The following CPQ variants were observed in gnomAD, a reference collection of about 807,000 sequenced individuals.
The protein encoded by CPQ is carboxypeptidase Q.
A neutral mutation model predicts 45.7 loss-of-function variants in CPQ; 37 were observed. The observed-to-expected ratio is 0.81, with a 90% CI of 0.62 to 1.07. The LOEUF (loss-of-function observed/expected upper bound fraction) is 1.07. Ranked by LOEUF, CPQ falls within the 50% of genes least tolerant of loss-of-function variation. The probability of loss-of-function intolerance (pLI) is 0.00; values close to 1 mark genes in which losing one functional copy is unlikely to be tolerated. For missense variants in CPQ, 537 were observed against 572.9 expected (o/e 0.94, Z 0.64); for synonymous variants, 186 against 205.8 (o/e 0.90, Z 0.82).
At chr8:96,670,446 A>G (rs1808987604) in intron 1 of CPQ, among the ~76,000 whole-genome samples, 1 of 152,150 alleles carries the variant, frequency 6.6e-6, no homozygotes, top group Non-Finnish European at 1.5e-5. Flanking sequence ...GGAATCCACA[A>G]ATAATGAGGA....
In CPQ at chr8:96,744,441, G is replaced by A. The variant is rs567673642; in HGVS notation, c.-34-40423G>A. The stretch of plus-strand genomic sequence containing the variant: ...AATGCAGAAATCACCTGTCTTCTGC[G>A]TCGGTCATGCTGGGAGCTGTAGACC... On this transcript the variant is annotated intron_variant, in intron 1 of 7. Coordinates refer to ENST00000220763, the MANE Select transcript of CPQ (RefSeq NM_016134.4). Among the ~76,000 whole-genome samples, 14 of 152,332 alleles carry A rather than the reference G, an allele frequency of 9.2e-5. No homozygotes were observed. In the East Asian group the frequency reaches 1.7e-3, roughly 19 times the overall value.
intron 1 of CPQ, among the ~76,000 whole-genome samples, chr8:96,697,581 G>C (rs1048029672): frequency 6.6e-6 from 1 of 152,068 alleles, no homozygotes; most frequent in Non-Finnish European, 1.5e-5. Flanking sequence ...TCTTTGTTTG[G>C]AAATGATGTG....
intron 4 of CPQ, among the ~76,000 whole-genome samples, chr8:96,922,530 G>A (rs978573622): frequency 2.2e-4 from 33 of 152,204 alleles, no homozygotes; most frequent in African/African-American, 8.0e-4. Flanking sequence ...TGCCAAACAT[G>A]ATTGAAAACT....
chr8:96,801,926 G>C (rs960956158), intron 2 of CPQ, among the ~76,000 whole-genome samples: 6 of 152,148 alleles, frequency 3.9e-5, no homozygotes, highest in African/African-American at 7.2e-5. Flanking sequence ...ATAATTAATA[G>C]GTTATAATAA....
At chr8:96,750,780 C>T (rs571507696) in intron 1 of CPQ, among the ~76,000 whole-genome samples, 1 of 152,164 alleles carries the variant, frequency 6.6e-6, no homozygotes, top group East Asian at 1.9e-4. Context: ...TGATGCTCTT[C>T]CTCCCCTGAA....
chr8:96,646,300 T>C (rs189287362), intron 1 of CPQ, among the ~76,000 whole-genome samples: 118 of 152,284 alleles, frequency 7.7e-4, no homozygotes, highest in Non-Finnish European at 1.5e-3. Flanking sequence ...GCCTAGGTTT[T>C]TTCTTGCTTG....
At chr8:96,683,255 T>C (rs1809175698) in intron 1 of CPQ, among the ~76,000 whole-genome samples, 1 of 152,190 alleles carries the variant, frequency 6.6e-6, no homozygotes, top group Non-Finnish European at 1.5e-5. Flanking sequence ...ACTTTATTTC[T>C]TTCATTTCTG....
chr8:97,108,130 T>C (rs531311498), intron 7 of CPQ, among the ~76,000 whole-genome samples: 20 of 152,356 alleles, frequency 1.3e-4, no homozygotes, highest in African/African-American at 4.8e-4. Context: ...TTGATTATTT[T>C]TGTTAATTTA....
At chr8:96,996,034 T>C (rs972936383) in intron 5 of CPQ, among the ~76,000 whole-genome samples, 2 of 151,886 alleles carry the variant, frequency 1.3e-5, no homozygotes, top group African/African-American at 4.8e-5. Context: ...AGGCAAGTGA[T>C]GTGAAGGAAG....
At chr8:96,882,426 CA>C (rs2130883300) in intron 4 of CPQ, among the ~76,000 whole-genome samples, 1 of 152,298 alleles carries the variant, frequency 6.6e-6, no homozygotes, top group African/African-American at 2.4e-5. Context: ...TTTCCCCAGT[CA>C]GTAGTTCCAG....
intron 1 of CPQ, among the ~76,000 whole-genome samples, chr8:96,699,343 A>G (rs1809426479): frequency 2.6e-5 from 4 of 152,160 alleles, no homozygotes; most frequent in Admixed American, 2.6e-4. Context: ...GAAAGGTAGT[A>G]GGGGGCTGGT....
At chr8:96,703,833 A>T (rs1809499746) in intron 1 of CPQ, among the ~76,000 whole-genome samples, 2 of 152,146 alleles carry the variant, frequency 1.3e-5, no homozygotes, top group Non-Finnish European at 2.9e-5. Context: ...AAGAATCTGT[A>T]AGGGGATTCT....
At chr8:97,001,438 G>A (rs1359291440) in intron 5 of CPQ, among the ~76,000 whole-genome samples, 1 of 152,032 alleles carries the variant, frequency 6.6e-6, no homozygotes, top group African/African-American at 2.4e-5. Context: ...AGTTTATTGA[G>A]ATTTTTTAAC....
At chr8:97,105,382 ATG>A in intron 7 of CPQ, among the ~76,000 whole-genome samples, 1 of 152,328 alleles carries the variant, frequency 6.6e-6, no homozygotes, top group South Asian at 2.1e-4. Context: ...AGGTTGTAGC[ATG>A]TGTCAGAATT....
At chr8:97,003,080 C>T (rs980489497) in intron 5 of CPQ, among the ~76,000 whole-genome samples, 1 of 152,120 alleles carries the variant, frequency 6.6e-6, no homozygotes, top group African/African-American at 2.4e-5. Flanking sequence ...GTTAGAATTG[C>T]AACCCCTGCT....
At chr8:96,668,887 C>G (rs886933104) in intron 1 of CPQ, among the ~76,000 whole-genome samples, 11 of 151,912 alleles carry the variant, frequency 7.2e-5, no homozygotes, top group Non-Finnish European at 1.2e-4. Context: ...AAAAAAATCT[C>G]CAGCAAAAGC....
At chr8:96,726,861 T>G (rs1445718331) in intron 1 of CPQ, among the ~76,000 whole-genome samples, 1 of 151,446 alleles carries the variant, frequency 6.6e-6, no homozygotes, top group East Asian at 1.9e-4. Flanking sequence ...CTTGGGACTA[T>G]GCAGAGAGTC....
chr8:97,122,967 AAAAT>A (rs1338302568), intron 7 of CPQ, among the ~76,000 whole-genome samples: 4 of 72,772 alleles, frequency 5.5e-5, no homozygotes, highest in Non-Finnish European at 9.1e-5. Context: ...AAAATAAAAT[AAAAT>A]AAAATAAAAT....
rs185047492 is a variant in CPQ at position 97,064,752 on chromosome 8, T to C, written c.1054-1257T>C. On this transcript the variant is annotated intron_variant, in intron 6 of 7. Transcript: ENST00000220763. ...TGGAATCTGTTTTAGAAAAAAATACTATGCAATCCCCAAATTGTTATGTAG... is the reference window on the plus strand; with the variant it reads ...TGGAATCTGTTTTAGAAAAAAATACCATGCAATCCCCAAATTGTTATGTAG... 5.2e-3 allele frequency among the ~76,000 whole-genome samples: 796 copies of C among 152,298 alleles called. 3 individuals carry two copies. Among genetic ancestry groups the C allele is most frequent in the Non-Finnish European group, 7.9e-3 (540 of 68,010 alleles).
Sources: gnomAD v4.1 joint callset for allele counts (sites outside exome capture counted in the v4.1 genomes callset) on GRCh38, gnomAD v4.1.1 for gene constraint, MANE v1.5 for transcripts, NCBI Gene and HGNC (gene_info 2026-07-23, HGNC 2026-07-21) for gene names.